Variants in TACC3 observed in about 807,000 individuals in gnomAD.
TACC3 encodes the protein transforming acidic coiled-coil-containing protein 3.
TACC3 carries 52 observed loss-of-function variants against 86.0 expected under a neutral mutation model. That is an observed-to-expected ratio of 0.60 (90% CI 0.48 to 0.76). TACC3 has a LOEUF of 0.76. Ranked by LOEUF, TACC3 falls within the 30% of genes least tolerant of loss-of-function variation. The pLI is 0.00. For missense variants in TACC3, 1,120 were observed against 1,070.4 expected (o/e 1.05, Z -0.65); for synonymous variants, 512 against 430.0 (o/e 1.19, Z -2.36).
intron 1 of TACC3, among the ~76,000 whole-genome samples, chr4:1,722,832 G>A (rs1717478598): frequency 6.6e-6 from 1 of 152,208 alleles, no homozygotes; most frequent in Non-Finnish European, 1.5e-5. Context: ...CTTGGCACCT[G>A]TTGCTCAGCT....
chr4:1,738,957 G>A (rs55667711), intron 10 of TACC3, among the ~76,000 whole-genome samples: 35,653 of 151,992 alleles, frequency 0.23, 4,325 homozygotes, highest in Non-Finnish European at 0.26. Context: ...CGGGAAAATT[G>A]TTTACTGAAA....
intron 10 of TACC3, among the ~76,000 whole-genome samples, chr4:1,738,877 C>T (rs1718419689): frequency 1.3e-5 from 2 of 152,016 alleles, no homozygotes; most frequent in South Asian, 4.2e-4. Flanking sequence ...TAGGTCAGAG[C>T]AGGTGACCGG....
intron 8 of TACC3, among the ~76,000 whole-genome samples, chr4:1,736,837 G>A (rs187746925): frequency 1.4e-4 from 22 of 152,236 alleles, no homozygotes; most frequent in Admixed American, 9.8e-4. Flanking sequence ...GTGAGCCTGG[G>A]AGGCAGGGGT....
Position 1,744,470 on chromosome 4 carries a change from C to T in TACC3, c.2224-48C>T, listed in dbSNP as rs371055149. The T allele has an allele frequency of 5.2e-4, 810 of 1,566,196 alleles. 1 individual carries two copies. Among genetic ancestry groups the T allele is most frequent in the Non-Finnish European group, 6.8e-4 (774 of 1,144,114 alleles). ...TCCCCAGACACCAAGCCTGGGTGCT[C>T]TCCAGCAGACGGCGTGGTACCCACA... On this transcript the variant is annotated intron_variant, in intron 13 of 15. Coordinates refer to ENST00000313288, the MANE Select transcript of TACC3 (RefSeq NM_006342.3).
intron 3 of TACC3, among the ~76,000 whole-genome samples, chr4:1,724,927 ATTTTTT>A (rs56412328): frequency 4.5e-5 from 5 of 110,158 alleles, no homozygotes; most frequent in African/African-American, 1.9e-4. Flanking sequence ...TGCCCGGCCA[ATTTTTT>A]TTTTTTTTTT....
At chr4:1,736,501 G>C (rs1405334031) in intron 8 of TACC3, among the ~76,000 whole-genome samples, 1 of 150,838 alleles carries the variant, frequency 6.6e-6, no homozygotes, top group Non-Finnish European at 1.5e-5. Context: ...GCCACTGCCT[G>C]TTTGTGTAAA....
chr4:1,739,795 TCCTGTCCTCCCCGTCC>T lies in TACC3; in HGVS notation c.2018+20_2018+35del, dbSNP rs747724591. Reference sequence around the variant, plus strand: ...GGAACTGGGGTAAGGAGGCCCCGTCTCCTGTCCTCCCCGTCCCCATCCCCCTCGCCATCCTTGTCCC... The same window carrying T: ...GGAACTGGGGTAAGGAGGCCCCGTCTCCATCCCCCTCGCCATCCTTGTCCC... On this transcript the variant is annotated intron_variant, in intron 11 of 15. Coordinates refer to ENST00000313288, the MANE Select transcript of TACC3 (RefSeq NM_006342.3). 8 of 1,578,846 alleles carry T rather than the reference TCCTGTCCTCCCCGTCC, an allele frequency of 5.1e-6. No homozygotes were observed. Among genetic ancestry groups the T allele is most frequent in the Non-Finnish European group, 6.9e-6 (8 of 1,163,176 alleles).
chr4:1,722,423 C>T (rs1477885610), intron 1 of TACC3, among the ~76,000 whole-genome samples: 1 of 152,176 alleles, frequency 6.6e-6, no homozygotes, highest in Non-Finnish European at 1.5e-5. Context: ...GTGGCCAGGC[C>T]CGGGTCTGGT....
rs115455600 is a variant in TACC3 at position 1,721,565 on chromosome 4, C to T, written c.-80C>T. ...GGCGGTAGCAGCTAGGCTTGGCCCC[C>T]GGCGTGGAGCAGACGCGGACCCCTC... is the stretch of plus-strand genomic sequence containing the variant. On this transcript the variant is annotated 5_prime_UTR_variant, in exon 1 of 16. Transcript: ENST00000313288. The T allele has an allele frequency of 0.13, 19,547 of 152,226 alleles. 1,572 individuals carry two copies. Among genetic ancestry groups the T allele is most frequent in the Non-Finnish European group, 0.18 (12,199 of 68,004 alleles). 9.4% of individuals were successfully genotyped at this position (152,226 alleles called of 1,614,324 possible).
rs780267557 is a variant in TACC3, at chr4:1,744,700, CT to C, written c.2331-11del. ...CCCCAGCTCAGCCTCTGCCCCGCCC[CT>C]ACCCCTCCAGGGCAAACGAGGAGAT... On this transcript the variant is annotated splice_polypyrimidine_tract_variant and intron_variant, in intron 14 of 15. Transcript: ENST00000313288. 5.6e-6 allele frequency: 9 copies of C among 1,612,342 alleles called. No individual in the cohort carries two copies. In the East Asian group the frequency reaches 1.8e-4, roughly 32 times the overall value.
Position 1,727,870 on chromosome 4 carries a change from C to G in TACC3, c.468C>G (p.Ser156Arg). The change falls in exon 4 of 16, where the codon AGC (serine) becomes AGG (arginine). Residue 156 changes from serine to arginine, a missense_variant. By Grantham distance (110) the Ser-to-Arg change is moderately radical (BLOSUM62 -1). Transcript: ENST00000313288. ...CCCTGGCTGACCTGGACTGCTCAAG[C>G]TCTTCCCAGAGCCCAGGAAGTTCTG... The part of the protein sequence containing the change: ...PGALADLDCS[S>R]SSQSPGSSEN... 6.2e-7 allele frequency: 1 copy of G among 1,613,752 alleles called. No homozygotes were observed. The highest frequency in any genetic ancestry group is 1.1e-5 in the South Asian group (1 of 91,086).
chr4:1,743,234 G>A (rs1234372641), intron 13 of TACC3, among the ~76,000 whole-genome samples: 8 of 131,178 alleles, frequency 6.1e-5, no homozygotes, highest in East Asian at 4.4e-4. Context: ...ATGGCCTGGC[G>A]ATAGAGCGAG....
rs541849762 is a variant in TACC3, at chr4:1,724,866, G to A, written c.305+996G>A. Among the ~76,000 whole-genome samples, 7 of 151,010 alleles carry A rather than the reference G, an allele frequency of 4.6e-5. No individual in the cohort carries two copies. The South Asian group carries it at 1.5e-3, about 32-fold the overall frequency. On this transcript the variant is annotated intron_variant, in intron 3 of 15. Transcript: ENST00000313288. ...AGCCTCAACCTCCTGGGCTCAAGCA[G>A]TCCTCCACCTTGGCCTCCTTAGTAG...
upstream of TACC3, chr4:1,720,890 G>T (rs571390626): frequency 4.1e-4 from 619 of 1,519,316 alleles, 2 homozygotes; most frequent in African/African-American, 7.8e-3. This position sits in a 1 kb window ranked among gnomAD's most constrained non-coding sequence, Gnocchi z 4.4. Flanking sequence ...GCGCGCGGAC[G>T]AGGCCGCAGC....
rs1191725387 is a variant in TACC3, at chr4:1,737,298, G to A, written c.1806G>A (p.Glu602=). 11 of 1,614,052 alleles carry A rather than the reference G, an allele frequency of 6.8e-6. No individual in the cohort carries two copies. Among genetic ancestry groups the A allele is most frequent in the Non-Finnish European group, 8.5e-6 (10 of 1,180,038 alleles). ...SGRPREAKLV[E]FDFLGALDIP... ...GTCCGCGGGAAGCCAAGCTTGTGGAGTTCGATTTCTTGGGAGCACTGGACA... is the reference window on the plus strand; with the variant it reads ...GTCCGCGGGAAGCCAAGCTTGTGGAATTCGATTTCTTGGGAGCACTGGACA... Residue 602 remains glutamate, a synonymous_variant, in exon 9 of 16, where the codon GAG becomes GAA. Transcript: ENST00000313288.
At chr4:1,729,914 C>A (rs1213835736) in intron 4 of TACC3, among the ~76,000 whole-genome samples, 4 of 152,344 alleles carry the variant, frequency 2.6e-5, no homozygotes, top group Admixed American at 2.0e-4. Flanking sequence ...ACCGCTAGAC[C>A]AGGGAGCCCT....
chr4:1,744,905 C>T, intron 15 of TACC3, 43 bp from the exon 16 acceptor site: 1 of 1,611,632 alleles, frequency 6.2e-7, no homozygotes, highest in Non-Finnish European at 8.5e-7. Flanking sequence ...CTGCTGCTCC[C>T]TCCAAGCAGG....
At position 1,730,969 on chromosome 4, in the gene TACC3, G is replaced by A; in HGVS notation, c.1461+7G>A. The A allele has an allele frequency of 6.2e-7, 1 of 1,613,442 alleles. No homozygotes were observed. The highest frequency in any genetic ancestry group is 8.5e-7 in the Non-Finnish European group (1 of 1,180,014). Reference sequence around the variant, plus strand: ...CCCAACAGCAGAGAGCAAGGTAAGGGGTGCTTGTGTGGGTACCTGTGCTCC... The same window carrying A: ...CCCAACAGCAGAGAGCAAGGTAAGGAGTGCTTGTGTGGGTACCTGTGCTCC... On this transcript the variant is annotated splice_region_variant and intron_variant, in intron 5 of 15. Coordinates refer to ENST00000313288, the MANE Select transcript of TACC3 (RefSeq NM_006342.3).
rs770095009 is a variant in TACC3 at position 1,745,027 on chromosome 4, G to A, written c.*14G>A. ...GAGAAGATCTGACCTCCACGGAGCC[G>A]CTGTCCCCGCCCCCCTGCTCCCGTC... On this transcript the variant is annotated 3_prime_UTR_variant, in exon 16 of 16. Coordinates refer to ENST00000313288, the MANE Select transcript of TACC3 (RefSeq NM_006342.3). 3 of 1,596,102 alleles carry A rather than the reference G, an allele frequency of 1.9e-6. No individual in the cohort carries two copies. Among genetic ancestry groups the A allele is most frequent in the South Asian group, 1.1e-5 (1 of 88,230 alleles).
Sources: allele counts gnomAD v4.1 joint callset (sites outside exome capture counted in the v4.1 genomes callset), GRCh38; gene constraint gnomAD v4.1.1; non-coding constraint Gnocchi (gnomAD v3.1); transcripts MANE v1.5; gene names NCBI Gene and HGNC (gene_info 2026-07-23, HGNC 2026-07-21).